PHACTR1: variants seen among roughly 807,000 people sequenced by gnomAD.
PHACTR1 encodes RPEL repeat containing 1.
A neutral mutation model predicts 69.2 loss-of-function variants in PHACTR1; 16 were observed. The observed-to-expected ratio is 0.23, with a 90% CI of 0.16 to 0.35. PHACTR1 has a LOEUF of 0.35. PHACTR1 is among the 10% of genes least tolerant of loss of function. The pLI is 1.00. For synonymous variants in PHACTR1, 312 were observed against 284.5 expected (o/e 1.10, Z -0.97); for missense variants, 510 against 734.7 (o/e 0.69, Z 3.54).
At chr6:13,047,852 G>A (rs1561748194) in intron 4 of PHACTR1, among the ~76,000 whole-genome samples, 1 of 152,068 alleles carries the variant, frequency 6.6e-6, no homozygotes. Context: ...AAACCACCAT[G>A]AGAAATATGG....
At chr6:12,823,739 A>G (rs2127715791) in intron 4 of PHACTR1, among the ~76,000 whole-genome samples, 1 of 152,312 alleles carries the variant, frequency 6.6e-6, no homozygotes. Flanking sequence ...GTCTGTTTTT[A>G]TAATGGGGCA....
intron 4 of PHACTR1, among the ~76,000 whole-genome samples, chr6:12,787,990 C>G (rs1002534324): frequency 1.3e-5 from 2 of 152,008 alleles, no homozygotes; most frequent in Non-Finnish European, 2.9e-5. Context: ...AACCCTGTCT[C>G]TAGTAAAAAA....
Position 12,730,483 on chromosome 6 carries a change from AAAAAAAAACCTC to A in PHACTR1, c.103+11639_103+11650del, listed in dbSNP as rs546062640. On this transcript the variant is annotated intron_variant, in intron 3 of 14. Transcript: ENST00000332995. ...TAAAAAAACACACGTGATTTAAAAA[AAAAAAAAACCTC>A]AATGCAGCTCAATCATTGTATATAA... Among the ~76,000 whole-genome samples the A allele has an allele frequency of 6.6e-5, 10 of 152,118 alleles. No individual in the cohort carries two copies. In the South Asian group the frequency reaches 2.1e-3, roughly 32 times the overall value.
intron 3 of PHACTR1, among the ~76,000 whole-genome samples, chr6:12,723,325 G>A (rs1762360226): frequency 6.6e-6 from 1 of 151,970 alleles, no homozygotes; most frequent in Admixed American, 6.6e-5. Flanking sequence ...CATTCGTCTG[G>A]GGCTTGTTAG....
chr6:13,140,983 T>G (rs1410444082), intron 5 of PHACTR1, among the ~76,000 whole-genome samples: 1 of 152,226 alleles, frequency 6.6e-6, no homozygotes, highest in African/African-American at 2.4e-5. Context: ...TCAAGTTGAT[T>G]GATCTGTTTT....
chr6:13,265,012 G>C (rs1352984977), intron 10 of PHACTR1: 1 of 136,302 alleles, frequency 7.3e-6, no homozygotes, highest in Admixed American at 7.4e-5. Context: ...ACCAGAGTGA[G>C]GCCCCATCTC....
At chr6:12,858,654 G>A (rs1780641972) in intron 4 of PHACTR1, among the ~76,000 whole-genome samples, 4 of 152,010 alleles carry the variant, frequency 2.6e-5, no homozygotes, top group Admixed American at 2.6e-4. Flanking sequence ...AAAATTGCAG[G>A]ACATGGTGGT....
chr6:13,077,971 G>A (rs1810787022), intron 5 of PHACTR1, among the ~76,000 whole-genome samples: 1 of 152,052 alleles, frequency 6.6e-6, no homozygotes, highest in African/African-American at 2.4e-5. Context: ...GAAAAGAAGG[G>A]GAATCTGCTT....
chr6:12,903,566 A>G lies in PHACTR1; in HGVS notation c.251-149799A>G, dbSNP rs551801185. Among the ~76,000 whole-genome samples the G allele has an allele frequency of 4.6e-5, 7 of 152,356 alleles. No individual in the cohort carries two copies. The South Asian group carries it at 1.4e-3, about 32-fold the overall frequency. On this transcript the variant is annotated intron_variant, in intron 4 of 14. Transcript: ENST00000332995. ...TGGGTGCAATTCTCCAAGGCTCCCC[A>G]CTGGTTTATTCTGCCCTCCTGGCCT...
chr6:12,912,629 T>C (rs1333958517), intron 4 of PHACTR1, among the ~76,000 whole-genome samples: 1 of 152,336 alleles, frequency 6.6e-6, no homozygotes, highest in South Asian at 2.1e-4. Flanking sequence ...TGTTTCATCC[T>C]CATTTATCTA....
At chr6:13,210,621 T>C (rs529503661) in intron 8 of PHACTR1, among the ~76,000 whole-genome samples, 1 of 152,296 alleles carries the variant, frequency 6.6e-6, no homozygotes, top group Admixed American at 6.5e-5. Flanking sequence ...CAACCTCTTT[T>C]TGATTTTCAT....
At chr6:13,139,231 C>T (rs1822035622) in intron 5 of PHACTR1, among the ~76,000 whole-genome samples, 1 of 151,566 alleles carries the variant, frequency 6.6e-6, no homozygotes, top group African/African-American at 2.4e-5. Flanking sequence ...CAAACTATGA[C>T]CCATAGGCCA....
At position 12,884,166 on chromosome 6, in the gene PHACTR1, A is replaced by G. The variant is rs2127459408; in HGVS notation, c.250+134376A>G. Among the ~76,000 whole-genome samples the G allele has an allele frequency of 2.6e-5, 4 of 152,092 alleles. 1 individual carries two copies. The highest frequency in any genetic ancestry group is 2.6e-4 in the Admixed American group (4 of 15,286). On this transcript the variant is annotated intron_variant, in intron 4 of 14. Transcript: ENST00000332995. ...CCTATGCAAACACATATACATACAT[A>G]CAAACATGTTCTCCAGCGTATCATA...
At chr6:13,063,115 C>G (rs1807937059) in intron 5 of PHACTR1, among the ~76,000 whole-genome samples, 1 of 152,130 alleles carries the variant, frequency 6.6e-6, no homozygotes. Flanking sequence ...ATAAAGGATA[C>G]CAGCTTACCA....
chr6:12,749,141 T>C (rs1045957949), intron 3 of PHACTR1, among the ~76,000 whole-genome samples: 29 of 152,220 alleles, frequency 1.9e-4, no homozygotes, highest in African/African-American at 7.0e-4. Flanking sequence ...CACGCTCACA[T>C]AGAGCAGCCT....
chr6:12,895,809 C>T (rs528507646), intron 4 of PHACTR1, among the ~76,000 whole-genome samples: 2 of 152,318 alleles, frequency 1.3e-5, no homozygotes, highest in South Asian at 2.1e-4. Flanking sequence ...GAGATTCTGC[C>T]TTCATTGGTC....
intron 4 of PHACTR1, among the ~76,000 whole-genome samples, chr6:12,812,244 C>A (rs1020543846): frequency 2.6e-5 from 4 of 152,210 alleles, no homozygotes; most frequent in Admixed American, 1.3e-4. Flanking sequence ...TAAATGGAAT[C>A]ATACAGTATG....
At chr6:12,782,917 A>C (rs1296283179) in intron 4 of PHACTR1, among the ~76,000 whole-genome samples, 2 of 152,138 alleles carry the variant, frequency 1.3e-5, no homozygotes, top group East Asian at 3.8e-4. Flanking sequence ...TTAGAGGGGC[A>C]AAAAAAGGAT....
intron 4 of PHACTR1, among the ~76,000 whole-genome samples, chr6:12,818,520 C>A (rs776001214): frequency 6.6e-6 from 1 of 152,134 alleles, no homozygotes; most frequent in Non-Finnish European, 1.5e-5. Flanking sequence ...AACCCAGATG[C>A]AAGGAGTGGG....
Sources: allele counts gnomAD v4.1 joint callset (sites outside exome capture counted in the v4.1 genomes callset), GRCh38; gene constraint gnomAD v4.1.1; transcripts MANE v1.5; gene names NCBI Gene and HGNC (gene_info 2026-07-23, HGNC 2026-07-21).